ANK3: variants seen among roughly 807,000 people sequenced by gnomAD.
ANK3 encodes the protein ankyrin 3.
ANK3 carries 57 observed loss-of-function variants against 370.9 expected under a neutral mutation model. The observed-to-expected ratio is 0.15, with a 90% confidence interval of 0.12 to 0.19. The LOEUF is 0.19. Ranked by LOEUF, ANK3 falls within the 10% of genes least tolerant of loss-of-function variation. The pLI is 1.00. For synonymous variants in ANK3, 1,929 were observed against 1,946.3 expected, an observed-to-expected ratio of 0.99 and a Z score of 0.23; for missense variants, 4,439 against 5,302.1, an observed-to-expected ratio of 0.84 and a Z score of 5.06.
intron 1 of ANK3, among the ~76,000 whole-genome samples, chr10:60,292,692 C>T (rs975767650): frequency 1.6e-4 from 24 of 149,272 alleles, no homozygotes; most frequent in South Asian, 8.5e-4. Context: ...CATAAAGCCA[C>T]TGGGGTCCTA....
chr10:60,100,171 A>G (rs142993931), intron 28 of ANK3, among the ~76,000 whole-genome samples: 5 of 147,846 alleles, frequency 3.4e-5, no homozygotes, highest in African/African-American at 1.3e-4. Context: ...CACGATGGAC[A>G]TCATTCAATT....
chr10:60,444,330 C>A (rs1380076277), intron 2 of ANK3, among the ~76,000 whole-genome samples: 1 of 151,202 alleles, frequency 6.6e-6, no homozygotes, highest in Non-Finnish European at 1.5e-5. Context: ...TGAACTCATT[C>A]ACATGATATA....
At chr10:60,427,014 C>T (rs1391327310) in intron 2 of ANK3, among the ~76,000 whole-genome samples, 1 of 152,088 alleles carries the variant, frequency 6.6e-6, no homozygotes, top group Non-Finnish European at 1.5e-5. Context: ...AATTCCTTTC[C>T]TGCTCTGACA....
intron 25 of ANK3, among the ~76,000 whole-genome samples, chr10:60,126,462 G>C (rs1176141483): frequency 6.6e-6 from 1 of 152,106 alleles, no homozygotes; most frequent in African/African-American, 2.4e-5. Context: ...GAGGCGGGTG[G>C]ATCACATGAG....
At chr10:60,239,183 T>A (rs2097382114) in intron 7 of ANK3, among the ~76,000 whole-genome samples, 1 of 152,076 alleles carries the variant, frequency 6.6e-6, no homozygotes, top group African/African-American at 2.4e-5. Flanking sequence ...GAGAGCTGCA[T>A]AAGGAGAAGA....
intron 1 of ANK3, among the ~76,000 whole-genome samples, chr10:60,619,756 T>C (rs1317072100): frequency 1.3e-5 from 2 of 152,196 alleles, no homozygotes; most frequent in Non-Finnish European, 1.5e-5. Flanking sequence ...CAACAGAACC[T>C]GAACCCAGGA....
chr10:60,456,956 G>T (rs2064763642), intron 2 of ANK3, among the ~76,000 whole-genome samples: 1 of 152,104 alleles, frequency 6.6e-6, no homozygotes, highest in Non-Finnish European at 1.5e-5. Context: ...TTAGTTGCCT[G>T]CCCGAGTCTT....
At chr10:60,360,573 G>A (rs192755101) in intron 1 of ANK3, among the ~76,000 whole-genome samples, 3 of 152,234 alleles carry the variant, frequency 2.0e-5, no homozygotes, top group Non-Finnish European at 2.9e-5. Context: ...GCTGGGCATA[G>A]TGGTATGCAC....
At chr10:60,641,337 A>G (rs1013059631) in intron 1 of ANK3, among the ~76,000 whole-genome samples, 2 of 151,996 alleles carry the variant, frequency 1.3e-5, no homozygotes, top group African/African-American at 4.8e-5. Context: ...ATCCTAAGCC[A>G]AAAGAACAAA....
intron 9 of ANK3, among the ~76,000 whole-genome samples, chr10:60,211,116 T>C (rs1004768490): frequency 4.1e-4 from 62 of 152,188 alleles, no homozygotes; most frequent in African/African-American, 1.5e-3. Flanking sequence ...GGAAGCGTAG[T>C]ACCTCAGAAG....
At chr10:60,056,088 G>T (rs1196512462) in intron 41 of ANK3, 52 bp from the exon 42 acceptor site, 4 of 1,535,700 alleles carry the variant, frequency 2.6e-6, no homozygotes, top group Non-Finnish European at 3.5e-6. Flanking sequence ...CTGAATATAG[G>T]TTGCAGAAAC....
intron 1 of ANK3, among the ~76,000 whole-genome samples, chr10:60,360,195 T>C: frequency 6.6e-6 from 1 of 152,216 alleles, no homozygotes; most frequent in Admixed American, 6.5e-5. Flanking sequence ...GAGAGACAAC[T>C]GCGCTTTTAG....
intron 2 of ANK3, among the ~76,000 whole-genome samples, chr10:60,400,880 A>G (rs2063339864): frequency 6.6e-6 from 1 of 151,974 alleles, no homozygotes; most frequent in African/African-American, 2.4e-5. Flanking sequence ...CCACTTCCCA[A>G]CAGGCCCCAG....
chr10:60,420,819 G>T (rs2063762878), intron 2 of ANK3, among the ~76,000 whole-genome samples: 1 of 151,928 alleles, frequency 6.6e-6, no homozygotes, highest in South Asian at 2.1e-4. Context: ...GTTAAACAAA[G>T]AATTACCCTA....
At chr10:60,337,157 C>T (rs1047703971) in intron 1 of ANK3, among the ~76,000 whole-genome samples, 8 of 152,076 alleles carry the variant, frequency 5.3e-5, no homozygotes, top group African/African-American at 7.2e-5. Context: ...AGTTGGACTT[C>T]GCTTTGGTTA....
intron 1 of ANK3, among the ~76,000 whole-genome samples, chr10:60,655,166 A>G (rs148698762): frequency 2.0e-5 from 3 of 152,018 alleles, no homozygotes; most frequent in Non-Finnish European, 4.4e-5. Flanking sequence ...ACTATAGTAT[A>G]CTTTTTAATC....
chr10:60,038,983 C>CCAAAGTCTAAGTACATTCTTA (rs1413306307), intron 43 of ANK3, among the ~76,000 whole-genome samples: 1 of 152,148 alleles, frequency 6.6e-6, no homozygotes, highest in African/African-American at 2.4e-5. Flanking sequence ...TTCCCTAGCC[C>CCAAAGTCTAAGTACATTCTTA]CAAAGTCTAA....
chr10:60,238,872 T>C (rs1325737161), intron 7 of ANK3, among the ~76,000 whole-genome samples: 1 of 151,802 alleles, frequency 6.6e-6, no homozygotes, highest in East Asian at 1.9e-4. Flanking sequence ...TCTCCCCTCC[T>C]ACACACAATA....
At chr10:60,414,610 G>A (rs948050657) in intron 2 of ANK3, among the ~76,000 whole-genome samples, 1 of 152,166 alleles carries the variant, frequency 6.6e-6, no homozygotes, top group African/African-American at 2.4e-5. Context: ...ATTGGAAGGA[G>A]GGGAAGGTTT....
Sources: gnomAD v4.1 joint callset for allele counts (sites outside exome capture counted in the v4.1 genomes callset) on GRCh38, gnomAD v4.1.1 for gene constraint, MANE v1.5 for transcripts, NCBI Gene and HGNC (gene_info 2026-07-23, HGNC 2026-07-21) for gene names.